ATP8A2: variants seen among roughly 807,000 people sequenced by gnomAD.
ATP8A2 encodes the protein phospholipid-transporting ATPase IB.
ATP8A2 carries 100 observed loss-of-function variants against 165.6 expected under a neutral mutation model. That is an observed-to-expected ratio of 0.60 (90% CI 0.51 to 0.71). ATP8A2 has a LOEUF of 0.71. Ranked by LOEUF, ATP8A2 falls within the 30% of genes least tolerant of loss-of-function variation. The pLI, the probability that ATP8A2 is intolerant of heterozygous loss-of-function variation, is 0.00. For missense variants in ATP8A2, 1,227 were observed against 1,479.5 expected, an observed-to-expected ratio of 0.83 and a Z score of 2.80; for synonymous variants, 543 against 548.8, an observed-to-expected ratio of 0.99 and a Z score of 0.15.
intron 24 of ATP8A2, among the ~76,000 whole-genome samples, chr13:25,698,549 T>A: frequency 6.6e-6 from 1 of 152,038 alleles, no homozygotes; most frequent in Non-Finnish European, 1.5e-5. Flanking sequence ...TTTTTTTAAA[T>A]CTAAAAAATG....
intron 10 of ATP8A2, among the ~76,000 whole-genome samples, chr13:25,550,085 A>T (rs771290251): frequency 1.3e-5 from 2 of 152,116 alleles, no homozygotes; most frequent in Non-Finnish European, 2.9e-5. Flanking sequence ...AGGGTGGATC[A>T]CCTGAGGTCA....
intron 24 of ATP8A2, among the ~76,000 whole-genome samples, chr13:25,647,816 G>T (rs1313046058): frequency 6.6e-6 from 1 of 151,882 alleles, no homozygotes; most frequent in Non-Finnish European, 1.5e-5. Flanking sequence ...CTCCCAAGTA[G>T]CTGGGATTAC....
intron 31 of ATP8A2, 124 bp from the exon 32 acceptor site, chr13:25,860,680 G>C (rs888223686): frequency 2.5e-5 from 18 of 715,030 alleles, no homozygotes; most frequent in Admixed American, 6.5e-5. Flanking sequence ...GACATGGCTG[G>C]TGCTTTCAAA....
At chr13:25,554,848 C>T in intron 12 of ATP8A2, 143 bp from the exon 13 acceptor site, 1 of 523,252 alleles carries the variant, frequency 1.9e-6, no homozygotes, top group South Asian at 2.9e-5. Flanking sequence ...GCATGAGCCA[C>T]TGCGCCCAGC....
intron 7 of ATP8A2, 60 bp from the exon 8 acceptor site, chr13:25,540,258 TA>T: frequency 7.9e-7 from 1 of 1,269,782 alleles, no homozygotes; most frequent in Non-Finnish European, 1.2e-6. Context: ...AGAGATTTTC[TA>T]AACTGTGAAT....
chr13:25,463,124 G>GTT (rs150498785), intron 1 of ATP8A2, among the ~76,000 whole-genome samples: 35,922 of 127,388 alleles, frequency 0.28, 6,256 homozygotes, highest in East Asian at 0.38. Context: ...TCTTTCTGAA[G>GTT]TGTTTTTTTT....
chr13:25,912,264 CATT>C (rs1379429085), intron 33 of ATP8A2, among the ~76,000 whole-genome samples: 1 of 151,578 alleles, frequency 6.6e-6, no homozygotes, highest in Non-Finnish European at 1.5e-5. Flanking sequence ...AATTGGAAAA[CATT>C]ATGCTAAGTG....
chr13:25,556,125 T>C (rs981723231), intron 13 of ATP8A2, among the ~76,000 whole-genome samples: 1 of 152,240 alleles, frequency 6.6e-6, no homozygotes, highest in Non-Finnish European at 1.5e-5. Flanking sequence ...TTTGGATATA[T>C]ACCCAGTAAT....
At chr13:25,383,603 T>C (rs1398864217) in intron 1 of ATP8A2, among the ~76,000 whole-genome samples, 1 of 152,226 alleles carries the variant, frequency 6.6e-6, no homozygotes, top group Non-Finnish European at 1.5e-5. Context: ...AATATGTTCT[T>C]TCATGAATTA....
At chr13:25,460,057 C>T (rs567689095) in intron 1 of ATP8A2, among the ~76,000 whole-genome samples, 15 of 152,130 alleles carry the variant, frequency 9.9e-5, no homozygotes, top group African/African-American at 2.9e-4. Flanking sequence ...AAAAATTAGC[C>T]GGGCATGATG....
chr13:25,397,774 T>C (rs2033479059), intron 1 of ATP8A2, among the ~76,000 whole-genome samples: 1 of 152,152 alleles, frequency 6.6e-6, no homozygotes, highest in Non-Finnish European at 1.5e-5. Context: ...AGCTAGAAGT[T>C]ATAGGCAATG....
chr13:25,684,429 G>C (rs576254103), intron 24 of ATP8A2, among the ~76,000 whole-genome samples: 19 of 152,154 alleles, frequency 1.2e-4, no homozygotes, highest in African/African-American at 4.1e-4. Flanking sequence ...GAGCCTGGTT[G>C]CATTGATCTG....
At position 25,589,630 on chromosome 13, in the gene ATP8A2, T is replaced by A; in HGVS notation, c.2147-5T>A. On this transcript the variant is annotated splice_polypyrimidine_tract_variant and splice_region_variant and intron_variant, in intron 23 of 36. Coordinates refer to ENST00000381655, the MANE Select transcript of ATP8A2 (RefSeq NM_016529.6). The stretch of plus-strand genomic sequence containing the variant: ...ATTCACATGTTGTCTCTTCCTCCAC[T>A]TCAGGGTATTCCTGCCGATTGGTAT... The A allele has an allele frequency of 6.2e-7, 1 of 1,607,860 alleles. No homozygotes were observed. Among genetic ancestry groups the A allele is most frequent in the South Asian group, 1.1e-5 (1 of 90,686 alleles).
At position 25,420,975 on chromosome 13, in the gene ATP8A2, T is replaced by G. The variant is rs538827259; in HGVS notation, c.77-48002T>G. On this transcript the variant is annotated intron_variant, in intron 1 of 36. Transcript: ENST00000381655. The stretch of plus-strand genomic sequence containing the variant: ...CATGGGATGTCTTCCTGAGGTTATT[T>G]TATTTCAACCATGCCTTCCCTTTAT... 1.9e-4 allele frequency among the ~76,000 whole-genome samples: 29 copies of G among 152,358 alleles called. No individual in the cohort carries two copies. The South Asian group carries it at 6.0e-3, about 32-fold the overall frequency.
At chr13:25,526,016 G>T (rs2037830779) in intron 2 of ATP8A2, among the ~76,000 whole-genome samples, 1 of 151,470 alleles carries the variant, frequency 6.6e-6, no homozygotes, top group South Asian at 2.1e-4. Context: ...TCTTCTCTGT[G>T]TATTTTCAAA....
intron 30 of ATP8A2, among the ~76,000 whole-genome samples, chr13:25,839,881 T>TA (rs1480979100): frequency 6.6e-6 from 1 of 152,192 alleles, no homozygotes; most frequent in African/African-American, 2.4e-5. Context: ...AACTCAGTTT[T>TA]AAAAACTATT....
intron 33 of ATP8A2, among the ~76,000 whole-genome samples, chr13:25,902,757 A>C (rs1257018777): frequency 6.6e-6 from 1 of 151,824 alleles, no homozygotes; most frequent in Non-Finnish European, 1.5e-5. Context: ...TGTGCTTTCA[A>C]CCCGTCTTAT....
intron 1 of ATP8A2, among the ~76,000 whole-genome samples, chr13:25,457,931 C>A (rs1284158031): frequency 6.6e-6 from 1 of 152,168 alleles, no homozygotes; most frequent in Non-Finnish European, 1.5e-5. Flanking sequence ...GTGACTTGCT[C>A]AAATCTGACT....
At chr13:25,447,223 G>A (rs774956569) in intron 1 of ATP8A2, among the ~76,000 whole-genome samples, 6 of 152,082 alleles carry the variant, frequency 3.9e-5, no homozygotes, top group Middle Eastern at 3.4e-3. Flanking sequence ...GGGTTTGCAC[G>A]CTAGATCATC....
Sources: gnomAD v4.1 joint callset for allele counts (sites outside exome capture counted in the v4.1 genomes callset) on GRCh38, gnomAD v4.1.1 for gene constraint, MANE v1.5 for transcripts, NCBI Gene and HGNC (gene_info 2026-07-23, HGNC 2026-07-21) for gene names.